The following PAX5 variants were observed in gnomAD, a reference collection of about 807,000 sequenced individuals.
PAX5 encodes the protein paired box 5, also known as paired box protein Pax-5.
PAX5 carries 9 observed loss-of-function variants against 43.7 expected under a neutral mutation model. That is an observed-to-expected ratio of 0.21 (90% CI 0.12 to 0.36). PAX5 has a LOEUF of 0.36. PAX5 is among the 10% of genes least tolerant of loss of function. PAX5 has a pLI of 1.00. For missense variants in PAX5, 383 were observed against 532.7 expected, an observed-to-expected ratio of 0.72 and a Z score of 2.77; for synonymous variants, 228 against 214.3, an observed-to-expected ratio of 1.06 and a Z score of -0.56.
chr9:36,965,492 AGACT>A (rs1564017961), intron 6 of PAX5, among the ~76,000 whole-genome samples: 1 of 152,268 alleles, frequency 6.6e-6, no homozygotes, highest in Non-Finnish European at 1.5e-5. Flanking sequence ...AGACACAGAC[AGACT>A]GTCATAGATG....
intron 5 of PAX5, among the ~76,000 whole-genome samples, chr9:36,973,083 C>CGGAACGGAAA (rs1835070933): frequency 3.1e-4 from 23 of 74,532 alleles, no homozygotes; most frequent in Admixed American, 6.2e-4. Flanking sequence ...CGGAACGGAA[C>CGGAACGGAAA]GGAAAGGAAA....
intron 5 of PAX5, among the ~76,000 whole-genome samples, chr9:36,976,708 A>G (rs530794007): frequency 1.3e-5 from 2 of 152,356 alleles, no homozygotes; most frequent in Admixed American, 6.5e-5. Context: ...TTGGAGAAGG[A>G]AAATGCGAAA....
At chr9:36,848,350 C>CCACACACACACACACA (rs55793420) in intron 8 of PAX5, among the ~76,000 whole-genome samples, 6,340 of 136,352 alleles carry the variant, frequency 0.046, 222 homozygotes, top group South Asian at 0.071. Context: ...CAGAGCGTGT[C>CCACACACACACACACA]CACACACACA....
chr9:36,915,436 G>A (rs1444845426), intron 7 of PAX5, among the ~76,000 whole-genome samples: 2 of 152,160 alleles, frequency 1.3e-5, no homozygotes, highest in African/African-American at 2.4e-5. Flanking sequence ...CAGTTTTAAA[G>A]TTATAAGTCA....
intron 7 of PAX5, among the ~76,000 whole-genome samples, chr9:36,899,809 C>T (rs1412917639): frequency 6.6e-6 from 1 of 152,236 alleles, no homozygotes; most frequent in African/African-American, 2.4e-5. Flanking sequence ...CCTCTCCTCA[C>T]TATGGCTTTC....
At chr9:36,988,662 CAAAAAAAAAA>C (rs139552622) in intron 5 of PAX5, among the ~76,000 whole-genome samples, 104 of 103,540 alleles carry the variant, frequency 1.0e-3, no homozygotes, top group African/African-American at 3.5e-3. Context: ...GACCCTGTCT[CAAAAAAAAAA>C]AAAAAAAAAA....
At position 37,034,098 on chromosome 9, in the gene PAX5, C is replaced by CTTTTTTTTTTTTT. The variant is rs576653546; in HGVS notation, c.-80_-68dup. On this transcript the variant is annotated 5_prime_UTR_variant, in exon 1 of 10. Coordinates refer to ENST00000358127, the MANE Select transcript of PAX5 (RefSeq NM_016734.3). ...TCCACTTTTTTGTGCCTTTTTTTTT[C>CTTTTTTTTTTTTT]TTTTTTTTTTTTTTTTTTTTTTTTT... 1,707 of 319,546 alleles carry CTTTTTTTTTTTTT rather than the reference C, an allele frequency of 5.3e-3. 63 individuals carry two copies. The highest frequency in any genetic ancestry group is 7.8e-3 in the East Asian group (144 of 18,372). The allele number at this position is 319,546 out of a possible 1,614,324, so 19.8% of individuals were successfully genotyped here.
At chr9:36,877,824 A>T (rs905180710) in intron 8 of PAX5, among the ~76,000 whole-genome samples, 6 of 152,338 alleles carry the variant, frequency 3.9e-5, no homozygotes, top group Middle Eastern at 6.8e-3. Flanking sequence ...AAAGGAAAAA[A>T]GGGGTCTTTG....
At chr9:37,009,099 A>G (rs80053421) in intron 3 of PAX5, among the ~76,000 whole-genome samples, 64 of 152,358 alleles carry the variant, frequency 4.2e-4, no homozygotes, top group African/African-American at 1.4e-3. Flanking sequence ...TTGTCTGACT[A>G]TTAAATTTGT....
At chr9:36,955,722 G>A (rs1319553808) in intron 6 of PAX5, among the ~76,000 whole-genome samples, 1 of 149,756 alleles carries the variant, frequency 6.7e-6, no homozygotes, top group African/African-American at 2.5e-5. Flanking sequence ...TTCTGGCTTT[G>A]AGCTGCCTTT....
chr9:37,003,860 G>T (rs62533710), intron 4 of PAX5, among the ~76,000 whole-genome samples: 16,060 of 152,194 alleles, frequency 0.11, 957 homozygotes, highest in East Asian at 0.15. Flanking sequence ...AAAAATAAAA[G>T]AGACAGAGTG....
chr9:36,857,421 A>G (rs1823784437), intron 8 of PAX5, among the ~76,000 whole-genome samples: 1 of 152,242 alleles, frequency 6.6e-6, no homozygotes, highest in Non-Finnish European at 1.5e-5. Flanking sequence ...AGGCATACTC[A>G]GTGAAATGCG....
chr9:37,034,185 TG>T lies in PAX5; in HGVS notation c.-155del. ...CAAGCCTTCCGCTCCCCCGCCGAGC[TG>T]GGGTAGCTGATCACTGAGCTGAAAC... On this transcript the variant is annotated 5_prime_UTR_variant, in exon 1 of 10. Coordinates refer to ENST00000358127, the MANE Select transcript of PAX5 (RefSeq NM_016734.3). The T allele has an allele frequency of 1.7e-6, 1 of 587,538 alleles. No homozygotes were observed. Among genetic ancestry groups the T allele is most frequent in the Non-Finnish European group, 2.9e-6 (1 of 341,066 alleles). The allele number at this position is 587,538 out of a possible 1,614,324, so 36.4% of individuals were successfully genotyped here.
intron 8 of PAX5, among the ~76,000 whole-genome samples, chr9:36,874,369 C>CAT (rs1222206718): frequency 6.6e-6 from 1 of 152,236 alleles, no homozygotes; most frequent in Admixed American, 6.5e-5. Flanking sequence ...GCCTCATCTG[C>CAT]ATGTCTGCTT....
At chr9:36,978,191 G>A (rs570818186) in intron 5 of PAX5, among the ~76,000 whole-genome samples, 1 of 152,252 alleles carries the variant, frequency 6.6e-6, no homozygotes. Flanking sequence ...CACAGGGCAA[G>A]TCTGTTCTCT....
chr9:37,017,596 C>A (rs1839490206), intron 2 of PAX5, among the ~76,000 whole-genome samples: 2 of 152,350 alleles, frequency 1.3e-5, no homozygotes, highest in East Asian at 3.9e-4. Flanking sequence ...TTAGACAACC[C>A]TGTCCTGGAT....
At position 37,033,072 on chromosome 9, in the gene PAX5, G is replaced by A. The variant is rs1158815397; in HGVS notation, c.46+914C>T. 2.6e-5 allele frequency among the ~76,000 whole-genome samples: 4 copies of A among 152,362 alleles called. No individual in the cohort carries two copies. The East Asian group carries it at 7.7e-4, about 29-fold the overall frequency. On this transcript the variant is annotated intron_variant, in intron 1 of 9. Transcript: ENST00000358127. ...CTTGTCTAGGTGAAAGTGAATGTAG[G>A]CTGGGGGTCCCTAGAAATGTCACAA...
chr9:36,870,804 C>T (rs1563916043), intron 8 of PAX5, among the ~76,000 whole-genome samples: 1 of 152,158 alleles, frequency 6.6e-6, no homozygotes, highest in East Asian at 1.9e-4. Flanking sequence ...TAGAGACGCA[C>T]TCGTAAATAA....
intron 6 of PAX5, among the ~76,000 whole-genome samples, chr9:36,944,977 A>T (rs1270909195): frequency 6.6e-6 from 1 of 152,234 alleles, no homozygotes; most frequent in Non-Finnish European, 1.5e-5. Context: ...CCTGACAGGA[A>T]CCCAGGCCTG....
Sources: gnomAD v4.1 joint callset for allele counts (sites outside exome capture counted in the v4.1 genomes callset) on GRCh38, gnomAD v4.1.1 for gene constraint, MANE v1.5 for transcripts, NCBI Gene and HGNC (gene_info 2026-07-23, HGNC 2026-07-21) for gene names.